EXOC5: variants seen among roughly 807,000 people sequenced by gnomAD.
EXOC5 encodes the protein SEC10-like 1.
A neutral mutation model predicts 90.8 loss-of-function variants in EXOC5; 17 were observed. The ratio of observed to expected loss-of-function variants is 0.19; its 90% CI spans 0.13 to 0.28. The LOEUF (loss-of-function observed/expected upper bound fraction) is 0.28, where lower values mean the gene tolerates loss of function less well. EXOC5 is among the 10% of genes least tolerant of loss of function. EXOC5 has a pLI of 1.00. For synonymous variants in EXOC5, 260 were observed against 270.0 expected (o/e 0.96, Z 0.36); for missense variants, 569 against 830.6 (o/e 0.69, Z 3.87).
In EXOC5 at chr14:57,207,696, C is replaced by A. The variant is rs1882700471; in HGVS notation, c.*913G>T. ...ATCTTATTCAAGTTTAGCATTACGA[C>A]AGAAATCTCAAAGGGCTGCATGTTG... On this transcript the variant is annotated 3_prime_UTR_variant, in exon 18 of 18. Transcript: ENST00000621441. The A allele has an allele frequency of 6.6e-6, 1 of 152,044 alleles. No individual in the cohort carries two copies. Among genetic ancestry groups the A allele is most frequent in the Non-Finnish European group, 1.5e-5 (1 of 67,976 alleles). The allele number at this position is 152,044 out of a possible 1,614,324, so 9.4% of individuals were successfully genotyped here.
intron 15 of EXOC5, among the ~76,000 whole-genome samples, chr14:57,217,637 A>G (rs1272124962): frequency 2.6e-5 from 4 of 152,100 alleles, no homozygotes; most frequent in African/African-American, 9.7e-5. Context: ...TATTCCTTGA[A>G]ACACAGTAAC....
At chr14:57,241,153 C>T (rs1322666593) in intron 4 of EXOC5, among the ~76,000 whole-genome samples, 1 of 152,124 alleles carries the variant, frequency 6.6e-6, no homozygotes, top group Non-Finnish European at 1.5e-5. Context: ...CACGCCCTGC[C>T]CAATATAGAT....
intron 10 of EXOC5, 40 bp downstream of exon 10, chr14:57,232,627 A>G: frequency 1.1e-6 from 1 of 887,938 alleles, no homozygotes; most frequent in South Asian, 1.7e-5. Context: ...AAAATTTAAA[A>G]AATCTGTTAT....
chr14:57,230,991 T>C (rs1387487144), intron 11 of EXOC5, among the ~76,000 whole-genome samples: 1 of 151,798 alleles, frequency 6.6e-6, no homozygotes, highest in Non-Finnish European at 1.5e-5. Context: ...TATTTTTTAA[T>C]TGACAAATAT....
Position 57,229,888 on chromosome 14 carries a change from C to T in EXOC5, c.1149-7G>A, listed in dbSNP as rs934260881. On this transcript the variant is annotated splice_region_variant and splice_polypyrimidine_tract_variant and intron_variant, in intron 11 of 17. Transcript: ENST00000621441. ...TTCCTTCAAATCTTGAATACTAGTA[C>T]ATCATAAAGACAAATGAAAAAAAGA... is the stretch of plus-strand genomic sequence containing the variant. The T allele has an allele frequency of 1.0e-5, 14 of 1,377,798 alleles. No individual in the cohort carries two copies. The highest frequency in any genetic ancestry group is 1.4e-5 in the African/African-American group (1 of 69,696). The allele number at this position is 1,377,798 out of a possible 1,614,324, so 85.3% of individuals were successfully genotyped here. A position where few individuals can be genotyped will look rare whatever the true frequency, so the allele number is the denominator to read the frequency against.
intron 12 of EXOC5, among the ~76,000 whole-genome samples, chr14:57,225,539 T>C (rs531862855): frequency 6.6e-6 from 1 of 152,042 alleles, no homozygotes; most frequent in African/African-American, 2.4e-5. Flanking sequence ...TAAAACTGTA[T>C]TTATGGGCTG....
intron 9 of EXOC5, chr14:57,233,050 A>G (rs1883533540): frequency 4.9e-6 from 1 of 202,290 alleles, no homozygotes. Flanking sequence ...CTGAGAGTAC[A>G]AACAATAGAG....
intron 15 of EXOC5, among the ~76,000 whole-genome samples, chr14:57,213,948 A>C (rs113394236): frequency 0.24 from 36,921 of 151,864 alleles, 10,809 homozygotes; most frequent in African/African-American, 0.71. Context: ...CCAGCCTGGG[A>C]GACAGTGAGA....
At chr14:57,222,021 T>C (rs947609194) in intron 13 of EXOC5, among the ~76,000 whole-genome samples, 2 of 152,198 alleles carry the variant, frequency 1.3e-5, no homozygotes, top group Admixed American at 6.6e-5. Context: ...CGCCTTCATT[T>C]TGCTCCTCGA....
chr14:57,209,097 C>G (rs776709080), intron 17 of EXOC5, among the ~76,000 whole-genome samples: 2 of 152,036 alleles, frequency 1.3e-5, no homozygotes, highest in Admixed American at 6.6e-5. Context: ...TTAAATGTTA[C>G]AGAAATATTC....
At chr14:57,213,055 T>G (rs963826341) in intron 15 of EXOC5, among the ~76,000 whole-genome samples, 36 of 151,870 alleles carry the variant, frequency 2.4e-4, no homozygotes, top group African/African-American at 8.7e-4. Context: ...CATTTCACAC[T>G]TACACCGCCA....
At chr14:57,229,643 G>T in intron 12 of EXOC5, 91 bp downstream of exon 12, 1 of 874,174 alleles carries the variant, frequency 1.1e-6, no homozygotes, top group Non-Finnish European at 1.6e-6. Context: ...GAGCATCCAC[G>T]ATTTTGGTAT....
chr14:57,246,841 A>G lies in EXOC5; in HGVS notation c.140T>C (p.Val47Ala), dbSNP rs772247969. ...FDPKRLLEEF[V>A]NHIQELQIMD... The stretch of plus-strand genomic sequence containing the variant: ...TATCTGGAGTTCCTGAATATGATTT[A>G]CAAATTCTTCTAATAATCTAACAGA... The change falls in exon 3 of 18, where the codon GTA (valine) becomes GCA (alanine). Residue 47 changes from valine to alanine, a missense_variant. This residue lies in a region of EXOC5 where 45 missense variants were observed against 44.6 expected (regional missense o/e 1.01). Transcript: ENST00000621441. 1 of 1,580,016 alleles carries G rather than the reference A, an allele frequency of 6.3e-7. No individual in the cohort carries two copies. Among genetic ancestry groups the G allele is most frequent in the Non-Finnish European group, 8.6e-7 (1 of 1,156,694 alleles).
chr14:57,230,306 T>C (rs1332797008), intron 11 of EXOC5, among the ~76,000 whole-genome samples: 1 of 152,178 alleles, frequency 6.6e-6, no homozygotes, highest in Non-Finnish European at 1.5e-5. Flanking sequence ...AAAGAAGATA[T>C]ATTAAACATA....
At chr14:57,241,123 G>A (rs552300832) in intron 4 of EXOC5, among the ~76,000 whole-genome samples, 6 of 152,190 alleles carry the variant, frequency 3.9e-5, no homozygotes, top group African/African-American at 1.2e-4. Flanking sequence ...CAAAGTGCTG[G>A]GATTACAGGC....
chr14:57,239,748 T>G (rs953447020), intron 4 of EXOC5, 89 bp from the exon 5 acceptor site: 8 of 746,014 alleles, frequency 1.1e-5, no homozygotes, highest in Non-Finnish European at 1.7e-5. Flanking sequence ...AATATCTCCC[T>G]GCATGTGCCC....
chr14:57,234,191 G>A (rs1883578863), intron 7 of EXOC5, among the ~76,000 whole-genome samples, 159 bp from the exon 8 acceptor site: 1 of 152,042 alleles, frequency 6.6e-6, no homozygotes, highest in African/African-American at 2.4e-5. Flanking sequence ...CAGAAAACCA[G>A]TAACTTGATA....
intron 1 of EXOC5, among the ~76,000 whole-genome samples, chr14:57,248,743 A>G (rs1884100650): frequency 6.6e-6 from 1 of 152,116 alleles, no homozygotes. Flanking sequence ...TTATATCTGC[A>G]AAGTTTTTTC....
chr14:57,233,948 A>T (rs1883568005), intron 8 of EXOC5, 40 bp downstream of exon 8: 1 of 1,590,510 alleles, frequency 6.3e-7, no homozygotes, highest in Non-Finnish European at 8.6e-7. Context: ...AACAACAATT[A>T]GCATAAAATA....
Sources: gnomAD v4.1 joint callset for allele counts (sites outside exome capture counted in the v4.1 genomes callset) on GRCh38, gnomAD v4.1.1 for gene constraint, gnomAD v4.1.1 regional missense constraint, MANE v1.5 for transcripts, NCBI Gene and HGNC (gene_info 2026-07-23, HGNC 2026-07-21) for gene names.